SOX5: variants seen among roughly 807,000 people sequenced by gnomAD.
The protein encoded by SOX5 is SRY-box transcription factor 5.
Under a neutral mutation model 92.0 loss-of-function variants are expected in SOX5, and 9 were observed. The observed-to-expected ratio is 0.10, with a 90% confidence interval of 0.06 to 0.17. The LOEUF is 0.17. SOX5 is among the 10% of genes least tolerant of loss of function. SOX5 has a pLI of 1.00. For synonymous variants in SOX5, 344 were observed against 336.3 expected (o/e 1.02, Z -0.25); for missense variants, 642 against 944.5 (o/e 0.68, Z 4.20).
At chr12:23,861,070 T>C (rs1331353679) in intron 2 of SOX5, among the ~76,000 whole-genome samples, 1 of 148,896 alleles carries the variant, frequency 6.7e-6, no homozygotes, top group Non-Finnish European at 1.5e-5. Flanking sequence ...AACAACAAAG[T>C]AAGAATCAAA....
intron 13 of SOX5, among the ~76,000 whole-genome samples, chr12:23,541,468 T>C (rs1045826908): frequency 1.3e-5 from 2 of 152,154 alleles, no homozygotes; most frequent in African/African-American, 4.8e-5. Flanking sequence ...ATGAAACTGG[T>C]ATGTTGTTTT....
At chr12:23,703,609 C>T (rs964573828) in intron 6 of SOX5, among the ~76,000 whole-genome samples, 2 of 151,822 alleles carry the variant, frequency 1.3e-5, no homozygotes, top group Admixed American at 6.6e-5. Context: ...GGAATGGATC[C>T]TTCAAGGTGA....
chr12:24,331,215 T>G (rs548351185), intron 2 of SOX5: 1 of 152,130 alleles, frequency 6.6e-6, no homozygotes, highest in Admixed American at 6.5e-5. Flanking sequence ...AAATTAGCAT[T>G]CCAGAGTGAA....
intron 3 of SOX5, among the ~76,000 whole-genome samples, chr12:23,830,523 CATGT>C (rs2096298931): frequency 6.6e-6 from 1 of 152,148 alleles, no homozygotes; most frequent in African/African-American, 2.4e-5. Flanking sequence ...GCCTCTTCAA[CATGT>C]ACTTTGTCAA....
At chr12:24,026,614 CA>C (rs1954917323) in intron 4 of SOX5, among the ~76,000 whole-genome samples, 3 of 128,566 alleles carry the variant, frequency 2.3e-5, no homozygotes, top group Non-Finnish European at 3.4e-5. Context: ...AAAAAAAAAA[CA>C]AAAAAAATTT....
At chr12:23,923,511 AC>A (rs1939068875) in intron 1 of SOX5, among the ~76,000 whole-genome samples, 1 of 152,156 alleles carries the variant, frequency 6.6e-6, no homozygotes, top group African/African-American at 2.4e-5. Context: ...TCAAAAATAT[AC>A]CTAGCACTGA....
chr12:24,035,716 A>G (rs982719219), intron 4 of SOX5, among the ~76,000 whole-genome samples: 11 of 152,140 alleles, frequency 7.2e-5, no homozygotes, highest in African/African-American at 2.4e-4. Context: ...CTCCCTCACT[A>G]TGTATAGTTG....
intron 1 of SOX5, among the ~76,000 whole-genome samples, chr12:24,410,261 G>T (rs1963836150): frequency 6.6e-6 from 1 of 152,178 alleles, no homozygotes; most frequent in South Asian, 2.1e-4. Flanking sequence ...GCCTCCCAAA[G>T]TTCTGGGATT....
chr12:24,498,302 G>A (rs1947849423), intron 1 of SOX5, among the ~76,000 whole-genome samples: 1 of 151,942 alleles, frequency 6.6e-6, no homozygotes, highest in Non-Finnish European at 1.5e-5. Context: ...AGCTAAGAAA[G>A]ATTAAGTAAC....
intron 3 of SOX5, among the ~76,000 whole-genome samples, chr12:23,807,640 C>T (rs2095802944): frequency 8.1e-6 from 1 of 123,512 alleles, no homozygotes; most frequent in South Asian, 3.1e-4. Flanking sequence ...AACAGAAATT[C>T]CATTTTTTTT....
At chr12:24,078,481 G>C (rs1366527078) in intron 4 of SOX5, among the ~76,000 whole-genome samples, 1 of 152,090 alleles carries the variant, frequency 6.6e-6, no homozygotes, top group Non-Finnish European at 1.5e-5. Flanking sequence ...GGTCCTGTTT[G>C]CCTGGCTTAG....
chr12:23,688,787 A>T (rs1029094117), intron 6 of SOX5, among the ~76,000 whole-genome samples: 18 of 152,206 alleles, frequency 1.2e-4, no homozygotes, highest in African/African-American at 4.3e-4. Context: ...CATGTACTAG[A>T]CCTTGAGATT....
At chr12:24,293,849 T>C (rs1195546598) in intron 2 of SOX5, among the ~76,000 whole-genome samples, 19 of 152,210 alleles carry the variant, frequency 1.2e-4, no homozygotes, top group Admixed American at 1.2e-3. Context: ...TTCTTTAGCC[T>C]TTCTCCTCCT....
rs533007163 is a variant in SOX5 at position 24,325,902 on chromosome 12, G to A, written c.-174+42661C>T. ...TACTAGGGGTTGCGCACACGTGCACGCGCGCGCGTGTGTGTGTATGTTAGA... is the reference window on the plus strand; with the variant it reads ...TACTAGGGGTTGCGCACACGTGCACACGCGCGCGTGTGTGTGTATGTTAGA... On this transcript the variant is annotated intron_variant, in intron 2 of 4. Transcript: ENST00000446891. Among the ~76,000 whole-genome samples, 12 of 152,284 alleles carry A rather than the reference G, an allele frequency of 7.9e-5. No individual in the cohort carries two copies. In the East Asian group the frequency reaches 9.7e-4, roughly 12 times the overall value.
chr12:24,375,208 C>T (rs540972197), intron 1 of SOX5, among the ~76,000 whole-genome samples: 4 of 151,642 alleles, frequency 2.6e-5, no homozygotes, highest in African/African-American at 7.2e-5. Context: ...CACCTGACCT[C>T]GTGATCCACC....
At chr12:24,334,169 TA>T (rs1951642272) in intron 2 of SOX5, among the ~76,000 whole-genome samples, 1 of 151,776 alleles carries the variant, frequency 6.6e-6, no homozygotes. Flanking sequence ...TTTAGAAAAT[TA>T]GAAAAAGGTA....
intron 1 of SOX5, among the ~76,000 whole-genome samples, chr12:23,924,481 C>A (rs1486580197): frequency 2.6e-5 from 4 of 152,048 alleles, no homozygotes; most frequent in African/African-American, 4.8e-5. Flanking sequence ...ACCAAAAATG[C>A]TAATATAATG....
intron 4 of SOX5, among the ~76,000 whole-genome samples, chr12:23,977,822 C>T (rs1468914353): frequency 6.6e-6 from 1 of 152,106 alleles, no homozygotes; most frequent in African/African-American, 2.4e-5. Flanking sequence ...CCGTTTTCAC[C>T]CCACCTATTG....
intron 3 of SOX5, among the ~76,000 whole-genome samples, chr12:23,827,513 T>C (rs895049182): frequency 2.6e-5 from 4 of 152,216 alleles, no homozygotes; most frequent in South Asian, 4.1e-4. Flanking sequence ...GAAAGATGTA[T>C]TTACTTGTTC....
Sources: allele counts gnomAD v4.1 joint callset (sites outside exome capture counted in the v4.1 genomes callset), GRCh38; gene constraint gnomAD v4.1.1; transcripts MANE v1.5; gene names NCBI Gene and HGNC (gene_info 2026-07-23, HGNC 2026-07-21).